ENTPD1: variants seen among roughly 807,000 people sequenced by gnomAD.
ENTPD1 encodes the protein ATP diphosphohydrolase.
Under a neutral mutation model 57.0 loss-of-function variants are expected in ENTPD1, and 33 were observed. The observed-to-expected ratio is 0.58, with a 90% CI of 0.44 to 0.77. ENTPD1 has a LOEUF of 0.77. ENTPD1 is among the 30% of genes least tolerant of loss of function. The pLI is 0.00. For missense variants in ENTPD1, 501 were observed against 603.4 expected, an observed-to-expected ratio of 0.83 and a Z score of 1.78; for synonymous variants, 202 against 218.8, an observed-to-expected ratio of 0.92 and a Z score of 0.68.
chr10:95,767,839 G>T (rs1401784906), intron 1 of ENTPD1, among the ~76,000 whole-genome samples: 1 of 152,122 alleles, frequency 6.6e-6, no homozygotes, highest in Non-Finnish European at 1.5e-5. Context: ...CCCCCCAAAA[G>T]CATATGTTCA....
At chr10:95,784,680 CG>C (rs1279065083) in intron 1 of ENTPD1, among the ~76,000 whole-genome samples, 1 of 152,156 alleles carries the variant, frequency 6.6e-6, no homozygotes, top group Non-Finnish European at 1.5e-5. Flanking sequence ...AAACACCTAT[CG>C]GCCTCAGTAC....
chr10:95,876,002 A>C lies in ENTPD1; in HGVS notation c.*9619A>C. The C allele has an allele frequency of 1.0e-6, 1 of 985,424 alleles. No individual in the cohort carries two copies. The highest frequency in any genetic ancestry group is 1.2e-6 in the Non-Finnish European group (1 of 829,922). The allele number at this position is 985,424 out of a possible 1,614,324, so 61.0% of individuals were successfully genotyped here. On this transcript the variant is annotated 3_prime_UTR_variant, in exon 10 of 10. Transcript: ENST00000371205. ...ACTTTAACCAGCTGAATGGAAGTAC[A>C]ATCTCTTGCTATATGACACAATAAT...
In ENTPD1 at chr10:95,867,110, G is replaced by A. The variant is rs2098475364; in HGVS notation, c.*727G>A. The A allele has an allele frequency of 2.0e-6, 2 of 986,020 alleles. No homozygotes were observed. The highest frequency in any genetic ancestry group is 1.7e-5 in the African/African-American group (1 of 57,218). The allele number at this position is 986,020 out of a possible 1,614,324, so 61.1% of individuals were successfully genotyped here. On this transcript the variant is annotated 3_prime_UTR_variant, in exon 10 of 10. Transcript: ENST00000371205. ...TAAATATATGCATTCAAACATCAGG[G>A]CTTACTATGAGGTAGGTGGTATATA...
intron 1 of ENTPD1, among the ~76,000 whole-genome samples, chr10:95,712,802 AG>A (rs1354952760): frequency 6.6e-6 from 1 of 152,180 alleles, no homozygotes; most frequent in Non-Finnish European, 1.5e-5. Flanking sequence ...TGGGAGGCCA[AG>A]GTGGGCAGAT....
intron 1 of ENTPD1, among the ~76,000 whole-genome samples, chr10:95,793,450 G>C (rs895269230): frequency 6.6e-6 from 1 of 152,248 alleles, no homozygotes; most frequent in Non-Finnish European, 1.5e-5. Context: ...ATCCCTAAAA[G>C]GCCTCACAAT....
intron 1 of ENTPD1, among the ~76,000 whole-genome samples, chr10:95,783,664 A>G (rs2098166479): frequency 6.6e-6 from 1 of 151,872 alleles, no homozygotes; most frequent in African/African-American, 2.4e-5. Flanking sequence ...ATTCCTAAAA[A>G]TTTTGGCTAA....
Position 95,871,619 on chromosome 10 carries a change from G to A in ENTPD1, c.*5236G>A. 1.0e-6 allele frequency: 1 copy of A among 985,344 alleles called. No homozygotes were observed. The allele number at this position is 985,344 out of a possible 1,614,324, so 61.0% of individuals were successfully genotyped here. On this transcript the variant is annotated 3_prime_UTR_variant, in exon 10 of 10. Coordinates refer to ENST00000371205, the MANE Select transcript of ENTPD1 (RefSeq NM_001776.6). ...CATGAGCCTTCTCTTTAGAAAAGTG[G>A]CATTCAAGACTCTTCATTTGAAGTG...
Position 95,877,200 on chromosome 10 carries a change from A to C in ENTPD1, c.*10817A>C, listed in dbSNP as rs1352143712. 6.6e-6 allele frequency among the ~76,000 whole-genome samples: 1 copy of C among 152,238 alleles called. No individual in the cohort carries two copies. Among genetic ancestry groups the C allele is most frequent in the Non-Finnish European group, 1.5e-5 (1 of 68,038 alleles). On this transcript the variant is annotated 3_prime_UTR_variant, in exon 10 of 10. Transcript: ENST00000371205. Reference sequence around the variant, plus strand: ...GAAAATGCAAATTATATACTTTAAAATGTAATTTTTGCTTTTCACATATGC... The same window carrying C: ...GAAAATGCAAATTATATACTTTAAACTGTAATTTTTGCTTTTCACATATGC...
At chr10:95,695,388 TC>T in the ENTPD1 span, among the ~76,000 whole-genome samples, 1 of 152,026 alleles carries the variant, frequency 6.6e-6, no homozygotes, top group Non-Finnish European at 1.5e-5. Context: ...TAAATTAACA[TC>T]TGTTAAGAGT....
At chr10:95,746,104 C>T (rs946753638) in intron 1 of ENTPD1, among the ~76,000 whole-genome samples, 2 of 152,118 alleles carry the variant, frequency 1.3e-5, no homozygotes, top group African/African-American at 4.8e-5. Context: ...CCTTCAAGTA[C>T]CGTTAGGTTA....
intron 2 of ENTPD1, among the ~76,000 whole-genome samples, chr10:95,827,280 C>T (rs563967938): frequency 1.4e-4 from 22 of 151,888 alleles, no homozygotes; most frequent in African/African-American, 4.8e-4. Context: ...AGTGAAATCC[C>T]GTCTCTACTA....
Position 95,860,511 on chromosome 10 carries a change from A to G in ENTPD1, c.1117A>G (p.Thr373Ala), listed in dbSNP as rs1219174781. 1 of 1,614,000 alleles carries G rather than the reference A, an allele frequency of 6.2e-7. No individual in the cohort carries two copies. Among genetic ancestry groups the G allele is most frequent in the East Asian group, 2.2e-5 (1 of 44,884 alleles). The change falls in exon 8 of 10, where the codon ACA becomes GCA. Residue 373 changes from threonine (T) to alanine (A), a missense_variant. Physicochemically the swap from Thr to Ala is moderately conservative, Grantham distance 58 (BLOSUM62 0). Transcript: ENST00000371205. Reference sequence around the variant, plus strand: ...CTTTGTGATGAAGTTTTTAAACTTGACATCAGAGAAAGTCTCTCAGGAAAA... The same window carrying G: ...CTTTGTGATGAAGTTTTTAAACTTGGCATCAGAGAAAGTCTCTCAGGAAAA... ...FYFVMKFLNLTSEKVSQEKVT... is the reference protein window; with the variant it reads ...FYFVMKFLNLASEKVSQEKVT...
chr10:95,703,066 T>C, the ENTPD1 span, among the ~76,000 whole-genome samples: 1 of 152,048 alleles, frequency 6.6e-6, no homozygotes, highest in Admixed American at 6.6e-5. Flanking sequence ...ATTACAGGTG[T>C]GAGCCACCGC....
At chr10:95,865,973 C>T (rs1418708377) in intron 9 of ENTPD1, among the ~76,000 whole-genome samples, 1 of 152,132 alleles carries the variant, frequency 6.6e-6, no homozygotes, top group East Asian at 1.9e-4. Context: ...CTATGTTGCC[C>T]AGGCTAGTCT....
chr10:95,735,749 C>T (rs2097994018), intron 1 of ENTPD1, among the ~76,000 whole-genome samples: 1 of 151,846 alleles, frequency 6.6e-6, no homozygotes, highest in Non-Finnish European at 1.5e-5. Flanking sequence ...GTGCGCACCA[C>T]CATGCTCGGC....
intron 1 of ENTPD1, among the ~76,000 whole-genome samples, chr10:95,771,059 T>G (rs952520156): frequency 6.6e-6 from 1 of 152,168 alleles, no homozygotes; most frequent in Non-Finnish European, 1.5e-5. Flanking sequence ...CTTTTTATTG[T>G]TTTTTAGTAT....
At chr10:95,866,070 T>C (rs1350599618) in intron 9 of ENTPD1, 107 bp from the exon 10 acceptor site, 13 of 1,457,538 alleles carry the variant, frequency 8.9e-6, no homozygotes, top group Non-Finnish European at 1.2e-5. Flanking sequence ...CAGCCAGTGA[T>C]TTATATTGTT....
chr10:95,804,826 A>G (rs1050251334), intron 1 of ENTPD1, among the ~76,000 whole-genome samples: 7 of 152,208 alleles, frequency 4.6e-5, no homozygotes, highest in Admixed American at 4.6e-4. Context: ...TGTCATAAAT[A>G]GCTCTTATTA....
chr10:95,860,726 G>A (rs1184177667), intron 8 of ENTPD1, 144 bp downstream of exon 8: 2 of 708,566 alleles, frequency 2.8e-6, no homozygotes, highest in Non-Finnish European at 5.1e-6. Context: ...GTGGACTCAG[G>A]AATGAATTTA....
Sources: gnomAD v4.1 joint callset for allele counts (sites outside exome capture counted in the v4.1 genomes callset) on GRCh38, gnomAD v4.1.1 for gene constraint, MANE v1.5 for transcripts, NCBI Gene and HGNC (gene_info 2026-07-23, HGNC 2026-07-21) for gene names.